The following M1AP variants were observed in gnomAD, a reference collection of about 807,000 sequenced individuals.
The protein encoded by M1AP is meiosis 1 associated protein.
M1AP carries 39 observed loss-of-function variants against 51.2 expected under a neutral mutation model. The observed-to-expected ratio is 0.76, with a 90% CI of 0.59 to 1.00. The LOEUF is 1.00. M1AP is among the 50% of genes least tolerant of loss of function. The pLI is 0.00. For synonymous variants in M1AP, 251 were observed against 249.2 expected (o/e 1.01, Z -0.07); for missense variants, 545 against 641.2 (o/e 0.85, Z 1.62).
At chr2:74,603,331 T>C (rs1680781434) in intron 4 of M1AP, among the ~76,000 whole-genome samples, 1 of 152,214 alleles carries the variant, frequency 6.6e-6, no homozygotes, top group Non-Finnish European at 1.5e-5. Flanking sequence ...GCTTACAGTT[T>C]AATGCAGAGG....
Position 74,564,668 on chromosome 2 carries a change from A to C in M1AP, c.1075-2245T>G, listed in dbSNP as rs115165147. ...GTGCAGGAAAGTCAGCTTGATGCTT[A>C]AAATCCATCATGTTGGAAATAAATG... On this transcript the variant is annotated intron_variant, in intron 7 of 10. Coordinates refer to ENST00000421985, the MANE Select transcript of M1AP (RefSeq NM_001321739.2). 2.4e-3 allele frequency among the ~76,000 whole-genome samples: 364 copies of C among 152,308 alleles called. 2 individuals are homozygous for C. The highest frequency in any genetic ancestry group is 8.3e-3 in the African/African-American group (345 of 41,568).
intron 5 of M1AP, among the ~76,000 whole-genome samples, chr2:74,577,341 T>A (rs1250735164): frequency 1.3e-5 from 2 of 152,246 alleles, no homozygotes; most frequent in Non-Finnish European, 2.9e-5. Flanking sequence ...ATTAAGCTTC[T>A]GCTCCAGTAG....
Position 74,562,315 on chromosome 2 carries a change from G to C in M1AP, c.1183C>G (p.Leu395Val). 6.2e-7 allele frequency: 1 copy of C among 1,614,256 alleles called. No homozygotes were observed. Among genetic ancestry groups the C allele is most frequent in the Non-Finnish European group, 8.5e-7 (1 of 1,180,042 alleles). The change falls in exon 8 of 11, where the codon CTG becomes GTG. Residue 395 changes from leucine (L) to valine (V), a missense_variant. By Grantham distance (32) the Leu-to-Val change is conservative. Transcript: ENST00000421985. Reference protein sequence around the residue: ...YVIMPSHSLTLLVKAVATREL... With the variant: ...YVIMPSHSLTVLVKAVATREL... ...CGCGTGGCCACCGCCTTTACCAGCA[G>C]TGTGAGGGAGTGTGACGGCATGATC...
chr2:74,558,535 C>T lies in M1AP; in HGVS notation c.*181G>A, dbSNP rs555707602. 13 of 615,612 alleles carry T rather than the reference C, an allele frequency of 2.1e-5. No homozygotes were observed. Among genetic ancestry groups the T allele is most frequent in the Admixed American group, 3.9e-5 (1 of 25,518 alleles). 38.1% of individuals were successfully genotyped at this position (615,612 alleles called of 1,614,324 possible). On this transcript the variant is annotated 3_prime_UTR_variant, in exon 11 of 11. Transcript: ENST00000421985. ...GGAGAAAGGACAGGCTCGGGTGTGT[C>T]GCTTCCAGACTTGAGGAGTGGGACA...
rs187079741 is a variant in M1AP, at chr2:74,645,405, G to A, written c.-53+2860C>T. ...ACAGTATTGCTGGGCCATAAGGCAC[G>A]TATGAGTTTAGTTTTGATAGTGAGG... On this transcript the variant is annotated intron_variant, in intron 1 of 10. Transcript: ENST00000421985. Among the ~76,000 whole-genome samples, 477 of 152,294 alleles carry A rather than the reference G, an allele frequency of 3.1e-3. 5 individuals carry two copies. The highest frequency in any genetic ancestry group is 8.7e-3 in the South Asian group (42 of 4,822).
intron 2 of M1AP, among the ~76,000 whole-genome samples, chr2:74,637,122 T>C (rs1683030416): frequency 6.6e-6 from 1 of 152,190 alleles, no homozygotes; most frequent in Non-Finnish European, 1.5e-5. Context: ...TTATGTTCTA[T>C]CCATTTAAAA....
intron 3 of M1AP, among the ~76,000 whole-genome samples, chr2:74,607,900 CTATTAT>C (rs752623960): frequency 3.9e-5 from 6 of 151,908 alleles, no homozygotes; most frequent in Non-Finnish European, 7.4e-5. Flanking sequence ...GATTAAAGCA[CTATTAT>C]TATTATTATT....
chr2:74,627,876 C>T (rs1318643653), intron 2 of M1AP, among the ~76,000 whole-genome samples: 1 of 152,154 alleles, frequency 6.6e-6, no homozygotes, highest in Non-Finnish European at 1.5e-5. Context: ...ATCACTCACT[C>T]TTACCATGAA....
chr2:74,598,417 G>A (rs1402727936), intron 4 of M1AP, among the ~76,000 whole-genome samples: 2 of 139,064 alleles, frequency 1.4e-5, no homozygotes. Flanking sequence ...ATAAATAAAA[G>A]TAGTTTTGTT....
intron 3 of M1AP, 100 bp downstream of exon 3, chr2:74,614,864 G>C (rs1681573599): frequency 1.8e-6 from 2 of 1,099,386 alleles, no homozygotes; most frequent in Non-Finnish European, 2.7e-6. Flanking sequence ...ATTACATCTA[G>C]AGTGAATGAA....
intron 2 of M1AP, among the ~76,000 whole-genome samples, chr2:74,636,725 A>G (rs777436492): frequency 1.3e-5 from 2 of 151,994 alleles, no homozygotes; most frequent in Non-Finnish European, 2.9e-5. Context: ...TAGAAAACTT[A>G]CCTCCCTTTA....
At chr2:74,618,770 G>T in intron 2 of M1AP, 1 of 258,500 alleles carries the variant, frequency 3.9e-6, no homozygotes, top group African/African-American at 2.3e-5. Flanking sequence ...AAACCCCAAA[G>T]AAGTCTTCAA....
chr2:74,601,503 T>C (rs1680676040), intron 4 of M1AP, among the ~76,000 whole-genome samples: 1 of 152,166 alleles, frequency 6.6e-6, no homozygotes, highest in Non-Finnish European at 1.5e-5. Flanking sequence ...TGGGGTCATT[T>C]TGAACTGTCT....
At chr2:74,644,388 A>G (rs1195930398) in intron 1 of M1AP, among the ~76,000 whole-genome samples, 2 of 152,158 alleles carry the variant, frequency 1.3e-5, no homozygotes, top group Non-Finnish European at 2.9e-5. Context: ...AAATACAAAA[A>G]TTAGCCGGGC....
intron 7 of M1AP, among the ~76,000 whole-genome samples, chr2:74,571,668 T>C (rs1678745381): frequency 6.6e-6 from 1 of 151,880 alleles, no homozygotes; most frequent in South Asian, 2.1e-4. Flanking sequence ...TTGGAGAAAA[T>C]GTCATGTGAA....
At chr2:74,577,815 T>G (rs1307813433) in intron 5 of M1AP, among the ~76,000 whole-genome samples, 4 of 152,204 alleles carry the variant, frequency 2.6e-5, no homozygotes, top group Admixed American at 2.0e-4. Context: ...GCTTTAGGAC[T>G]GGACAGCTGT....
chr2:74,563,895 T>C (rs1194981815), intron 7 of M1AP, among the ~76,000 whole-genome samples: 1 of 152,184 alleles, frequency 6.6e-6, no homozygotes, highest in Admixed American at 6.5e-5. Flanking sequence ...ATTTTTTTTG[T>C]GGTAGCTTTT....
chr2:74,611,833 AAAAC>A (rs564400396), intron 3 of M1AP, among the ~76,000 whole-genome samples: 42 of 151,510 alleles, frequency 2.8e-4, no homozygotes, highest in African/African-American at 8.7e-4. Flanking sequence ...ACTCCATCTC[AAAAC>A]AAACAAACAA....
intron 1 of M1AP, among the ~76,000 whole-genome samples, chr2:74,643,452 TACAC>T (rs1683427616): frequency 6.6e-6 from 1 of 152,052 alleles, no homozygotes; most frequent in Non-Finnish European, 1.5e-5. Flanking sequence ...TAGAGGTGCA[TACAC>T]AGTGATAAAA....
Sources: gnomAD v4.1 joint callset for allele counts (sites outside exome capture counted in the v4.1 genomes callset) on GRCh38, gnomAD v4.1.1 for gene constraint, MANE v1.5 for transcripts, NCBI Gene and HGNC (gene_info 2026-07-23, HGNC 2026-07-21) for gene names.